The following KIF26B variants were observed in gnomAD, a reference collection of about 807,000 sequenced individuals.
KIF26B encodes kinesin family member 26B.
In KIF26B, 63 loss-of-function variants were observed where a neutral mutation model predicts 151.2. The observed-to-expected ratio is 0.42, with a 90% CI of 0.34 to 0.51. The LOEUF (loss-of-function observed/expected upper bound fraction) is 0.51, where lower values mean the gene tolerates loss of function less well. Among genes scored for constraint, KIF26B ranks in the 20% least tolerant of loss-of-function variants. KIF26B has a pLI of 0.07. For missense variants in KIF26B, 2,813 were observed against 2,913.6 expected (o/e 0.97, Z 0.79); for synonymous variants, 1,357 against 1,262.1 (o/e 1.08, Z -1.59).
chr1:245,308,582 A>G (rs1671603130), intron 2 of KIF26B, among the ~76,000 whole-genome samples: 1 of 152,204 alleles, frequency 6.6e-6, no homozygotes, highest in Non-Finnish European at 1.5e-5. Flanking sequence ...AAATAAAAAG[A>G]GTAGCCGGGC....
At chr1:245,656,462 C>T (rs1042054436) in intron 10 of KIF26B, among the ~76,000 whole-genome samples, 3 of 152,232 alleles carry the variant, frequency 2.0e-5, no homozygotes, top group African/African-American at 7.2e-5. Flanking sequence ...GACTCTGAAT[C>T]CACAGCTGAG....
At position 245,686,793 on chromosome 1, in the gene KIF26B, C is replaced by T. The variant is rs871840; in HGVS notation, c.3810C>T (p.Asp1270=). Residue 1270 remains aspartate (D), a synonymous_variant, in exon 12 of 15, where the codon GAC becomes GAT. Coordinates refer to ENST00000407071, the MANE Select transcript of KIF26B (RefSeq NM_018012.4). The surrounding 1 kb of genome is among the most constrained non-coding windows in gnomAD (Gnocchi z 5.6). ...TGAGCCTGGATGAGAAGGCCCAGGA[C>T]GCAGGGAGCAGACGCTCTTCCATCA... ...PKMSLDEKAQ[D]AGSRRSSISS... is the part of the protein sequence containing the mutation. 0.23 allele frequency: 378,035 copies of T among 1,612,876 alleles called. 47,636 individuals carry two copies. Among genetic ancestry groups the T allele is most frequent in the Non-Finnish European group, 0.26 (305,172 of 1,179,536 alleles).
chr1:245,277,244 C>T lies in KIF26B; in HGVS notation c.466-89590C>T, dbSNP rs964309986. Among the ~76,000 whole-genome samples the T allele has an allele frequency of 2.0e-5, 3 of 152,188 alleles. No homozygotes were observed. In the South Asian group the frequency reaches 6.2e-4, roughly 32 times the overall value. ...CCAGCAGGCTTGTGGTAATTTGTTA[C>T]AGCAGCCCCAGGGACATGGGAAGTG... is the stretch of plus-strand genomic sequence containing the variant. On this transcript the variant is annotated intron_variant, in intron 2 of 14. Transcript: ENST00000407071.
At chr1:245,172,531 T>C (rs1437298049) in intron 2 of KIF26B, among the ~76,000 whole-genome samples, 1 of 151,842 alleles carries the variant, frequency 6.6e-6, no homozygotes, top group East Asian at 1.9e-4. Context: ...GTGGCCCAGC[T>C]GGGCATGGTG....
intron 2 of KIF26B, among the ~76,000 whole-genome samples, chr1:245,356,717 G>T (rs549269660): frequency 6.6e-6 from 1 of 152,170 alleles, no homozygotes; most frequent in African/African-American, 2.4e-5. Flanking sequence ...GACGCATTCC[G>T]CAGTGAACAA....
intron 9 of KIF26B, among the ~76,000 whole-genome samples, chr1:245,641,362 A>G (rs10924270): frequency 0.52 from 78,648 of 151,706 alleles, 21,314 homozygotes; most frequent in African/African-American, 0.68. Flanking sequence ...TGTGTACCTG[A>G]ATATTTATAT....
chr1:245,297,850 A>G (rs569571189), intron 2 of KIF26B, among the ~76,000 whole-genome samples: 1 of 151,472 alleles, frequency 6.6e-6, no homozygotes, highest in East Asian at 2.0e-4. Context: ...TGAATCTGAA[A>G]GACTGATGCC....
intron 5 of KIF26B, among the ~76,000 whole-genome samples, chr1:245,575,290 C>T (rs1445658817): frequency 6.6e-6 from 1 of 151,936 alleles, no homozygotes; most frequent in Non-Finnish European, 1.5e-5. Context: ...GCCTGGTCAA[C>T]ATGGTGAAAC....
chr1:245,640,159 A>ATATG (rs1168172493), intron 9 of KIF26B, among the ~76,000 whole-genome samples: 1,075 of 34,326 alleles, frequency 0.031, 138 homozygotes, highest in African/African-American at 0.089. Context: ...ATATATATAT[A>ATATG]TACCCTGCTA....
At chr1:245,372,653 A>G (rs1250140956) in intron 3 of KIF26B, among the ~76,000 whole-genome samples, 1 of 152,220 alleles carries the variant, frequency 6.6e-6, no homozygotes, top group Non-Finnish European at 1.5e-5. Flanking sequence ...AATCAACTAC[A>G]GATTAGTTAC....
At chr1:245,155,704 TC>T (rs1386342278) in intron 1 of KIF26B, among the ~76,000 whole-genome samples, 1 of 152,198 alleles carries the variant, frequency 6.6e-6, no homozygotes, top group Non-Finnish European at 1.5e-5. Context: ...TCTCGTTCCT[TC>T]CTTTCCACGC....
At chr1:245,469,184 G>A (rs1331795704) in intron 4 of KIF26B, among the ~76,000 whole-genome samples, 1 of 152,150 alleles carries the variant, frequency 6.6e-6, no homozygotes, top group Admixed American at 6.6e-5. Flanking sequence ...AACATTACCT[G>A]GAGTCTTCCT....
At chr1:245,382,432 C>G (rs1673432414) in intron 3 of KIF26B, among the ~76,000 whole-genome samples, 1 of 152,078 alleles carries the variant, frequency 6.6e-6, no homozygotes, top group African/African-American at 2.4e-5. Context: ...TATCTATCCC[C>G]TAGTATAGCA....
intron 3 of KIF26B, among the ~76,000 whole-genome samples, chr1:245,377,247 A>G (rs546946102): frequency 1.3e-5 from 2 of 152,320 alleles, no homozygotes; most frequent in East Asian, 3.9e-4. Flanking sequence ...ATGTATTCTC[A>G]TAGTTCTGGA....
At chr1:245,567,672 CT>C (rs1221118387) in intron 5 of KIF26B, among the ~76,000 whole-genome samples, 1 of 152,206 alleles carries the variant, frequency 6.6e-6, no homozygotes, top group Non-Finnish European at 1.5e-5. Context: ...ATGAAAACCT[CT>C]GGAAAACCAA....
At chr1:245,635,013 A>G (rs1369037966) in intron 9 of KIF26B, among the ~76,000 whole-genome samples, 2 of 151,866 alleles carry the variant, frequency 1.3e-5, no homozygotes, top group Admixed American at 6.6e-5. Context: ...AGCCCTAGAT[A>G]CAATTTTCTA....
chr1:245,498,994 GAC>G (rs1357507994), intron 4 of KIF26B, among the ~76,000 whole-genome samples: 1 of 152,204 alleles, frequency 6.6e-6, no homozygotes, highest in Admixed American at 6.5e-5. Flanking sequence ...AAGAAAAGCA[GAC>G]ACAGTTACAT....
chr1:245,205,015 C>T (rs1451496645), intron 2 of KIF26B, among the ~76,000 whole-genome samples: 1 of 152,022 alleles, frequency 6.6e-6, no homozygotes, highest in Admixed American at 6.6e-5. Flanking sequence ...TGAACTCCTG[C>T]CTTTGAGTGA....
chr1:245,541,842 C>T (rs1460950251), intron 5 of KIF26B, among the ~76,000 whole-genome samples: 1 of 152,034 alleles, frequency 6.6e-6, no homozygotes, highest in Non-Finnish European at 1.5e-5. Context: ...ACTGCCAGTC[C>T]CCTGGGTACC....
Sources: allele counts gnomAD v4.1 joint callset (sites outside exome capture counted in the v4.1 genomes callset), GRCh38; gene constraint gnomAD v4.1.1; non-coding constraint Gnocchi (gnomAD v3.1); transcripts MANE v1.5; gene names NCBI Gene and HGNC (gene_info 2026-07-23, HGNC 2026-07-21).